AP4M1: variants seen among roughly 807,000 people sequenced by gnomAD.
AP4M1 encodes adaptor related protein complex 4 subunit mu 1.
A neutral mutation model predicts 62.4 loss-of-function variants in AP4M1; 58 were observed. That is an observed-to-expected ratio of 0.93 (90% CI 0.75 to 1.16). The LOEUF is 1.16. Ranked by LOEUF, AP4M1 falls within the 50% of genes most tolerant of loss-of-function variation. AP4M1 has a pLI of 0.00. For synonymous variants in AP4M1, 290 were observed against 239.7 expected, an observed-to-expected ratio of 1.21 and a Z score of -1.94; for missense variants, 626 against 585.4, an observed-to-expected ratio of 1.07 and a Z score of -0.72.
At position 100,103,406 on chromosome 7, in the gene AP4M1, T is replaced by C. The variant is rs1220564401; in HGVS notation, c.352-3T>C. On this transcript the variant is annotated splice_region_variant and splice_polypyrimidine_tract_variant and intron_variant, in intron 4 of 14. Transcript: ENST00000359593. ...ACTCAGACTGTCCTTCCTTTACCAC[T>C]AGGACTATGGCTATGTACAGACCAC... The C allele has an allele frequency of 1.9e-6, 3 of 1,612,554 alleles. No individual in the cohort carries two copies. Among genetic ancestry groups the C allele is most frequent in the African/African-American group, 1.3e-5 (1 of 74,846 alleles).
chr7:100,108,618 T>C lies in AP4M1; in HGVS notation c.*1736T>C. ...GTAGAGGGAGGGCTGGTGACACTCT[T>C]GAGAAGAACCTTGGGGATGGGGTAA... On this transcript the variant is annotated 3_prime_UTR_variant, in exon 15 of 15. Transcript: ENST00000359593. The C allele has an allele frequency of 1.3e-6, 2 of 1,482,586 alleles. No individual in the cohort carries two copies. Among genetic ancestry groups the C allele is most frequent in the Non-Finnish European group, 1.8e-6 (2 of 1,103,866 alleles). The allele number at this position is 1,482,586 out of a possible 1,614,324, so 91.8% of individuals were successfully genotyped here. A position where few individuals can be genotyped will look rare whatever the true frequency, so the allele number is the denominator to read the frequency against.
chr7:100,102,014 C>T (rs763011281), intron 2 of AP4M1, 46 bp downstream of exon 2: 13 of 1,602,312 alleles, frequency 8.1e-6, no homozygotes, highest in South Asian at 7.7e-5. Context: ...CCCGTCGGGC[C>T]GGGTGGGCGC....
rs745807118 is a variant in AP4M1, at chr7:100,105,355, T to G, written c.834+9T>G. The stretch of plus-strand genomic sequence containing the variant: ...AACCACCTCAGGGCGAGGTCAGGGT[T>G]GGGGTGGCCTCATAAATTCCGTCCA... On this transcript the variant is annotated intron_variant, in intron 10 of 14. Coordinates refer to ENST00000359593, the MANE Select transcript of AP4M1 (RefSeq NM_004722.4). 5.0e-6 allele frequency: 8 copies of G among 1,613,972 alleles called. No individual in the cohort carries two copies. The highest frequency in any genetic ancestry group is 6.8e-6 in the Non-Finnish European group (8 of 1,179,916).
chr7:100,103,152 G>T (rs999541512), intron 4 of AP4M1, 192 bp downstream of exon 4: 32 of 649,922 alleles, frequency 4.9e-5, no homozygotes, highest in Non-Finnish European at 7.7e-5. Flanking sequence ...GCTCACTGCA[G>T]CCTGGAACTC....
chr7:100,102,971 A>G lies in AP4M1; in HGVS notation c.351+11A>G, dbSNP rs1467155925. On this transcript the variant is annotated intron_variant, in intron 4 of 14. Coordinates refer to ENST00000359593, the MANE Select transcript of AP4M1 (RefSeq NM_004722.4). Reference sequence around the variant, plus strand: ...CTGGATGAAGTGCTGGTGAGAATCAACAATCCCCTTCTGTGGCCCCTACCC... The same window carrying G: ...CTGGATGAAGTGCTGGTGAGAATCAGCAATCCCCTTCTGTGGCCCCTACCC... 2 of 1,611,148 alleles carry G rather than the reference A, an allele frequency of 1.2e-6. No homozygotes were observed. The highest frequency in any genetic ancestry group is 2.2e-5 in the South Asian group (2 of 90,998).
In AP4M1 at chr7:100,108,529, A is replaced by G. The variant is rs149977983; in HGVS notation, c.*1647A>G. 29 of 1,608,214 alleles carry G rather than the reference A, an allele frequency of 1.8e-5. No individual in the cohort carries two copies. The highest frequency in any genetic ancestry group is 2.4e-5 in the Non-Finnish European group (28 of 1,175,792). The stretch of plus-strand genomic sequence containing the variant: ...GTGGGCGCAGCTTTGCCAGAACAGG[A>G]GCACAGTGTTTCTGCAGAACAGAAA... On this transcript the variant is annotated 3_prime_UTR_variant, in exon 15 of 15. Coordinates refer to ENST00000359593, the MANE Select transcript of AP4M1 (RefSeq NM_004722.4).
chr7:100,107,179 CATGT>C lies in AP4M1; in HGVS notation c.*298_*301del, dbSNP rs1796593421. ...AACTTCCTTCCGCTTAGCGAGCATG[CATGT>C]GTGTACGTGCACGTGTGTACATGTC... is the stretch of plus-strand genomic sequence containing the variant. On this transcript the variant is annotated 3_prime_UTR_variant, in exon 15 of 15. Transcript: ENST00000359593. 5 of 1,517,210 alleles carry C rather than the reference CATGT, an allele frequency of 3.3e-6. No homozygotes were observed. The African/African-American group carries it at 5.6e-5, about 17-fold the overall frequency. The allele number at this position is 1,517,210 out of a possible 1,614,324, so 94.0% of individuals were successfully genotyped here. A position where few individuals can be genotyped will look rare whatever the true frequency, so the allele number is the denominator to read the frequency against.
chr7:100,101,667 G>C lies in AP4M1; in HGVS notation c.-48G>C, dbSNP rs769336404. ...TCTTTTGTTCCGGGGCCGCAGGGCGGGGCAGGCCCGACTTTCGCCGTCTTC... is the reference window on the plus strand; with the variant it reads ...TCTTTTGTTCCGGGGCCGCAGGGCGCGGCAGGCCCGACTTTCGCCGTCTTC... On this transcript the variant is annotated 5_prime_UTR_variant, in exon 1 of 15. Transcript: ENST00000359593. 6.4e-7 allele frequency: 1 copy of C among 1,559,988 alleles called. No homozygotes were observed. The highest frequency in any genetic ancestry group is 1.1e-5 in the South Asian group (1 of 89,924).
Position 100,107,256 on chromosome 7 carries a change from G to A in AP4M1, c.*374G>A. The A allele has an allele frequency of 6.6e-7, 1 of 1,523,966 alleles. No homozygotes were observed. Among genetic ancestry groups the A allele is most frequent in the Non-Finnish European group, 8.8e-7 (1 of 1,139,128 alleles). The allele number at this position is 1,523,966 out of a possible 1,614,324, so 94.4% of individuals were successfully genotyped here. On this transcript the variant is annotated 3_prime_UTR_variant, in exon 15 of 15. Transcript: ENST00000359593. ...CTGGCAGGTGGAGCATCACGGAGCA[G>A]GCTGAGGGGAGCCGGAGTTGGGCTG...
At position 100,101,791 on chromosome 7, in the gene AP4M1, G is replaced by A. The variant is rs748573724; in HGVS notation, c.58+19G>A. Reference sequence around the variant, plus strand: ...AAAGACTGTATCCTAGACCCTTGGGGCTGGGAAGGGGCGGAGGGGCCGGGC... The same window carrying A: ...AAAGACTGTATCCTAGACCCTTGGGACTGGGAAGGGGCGGAGGGGCCGGGC... On this transcript the variant is annotated intron_variant, in intron 1 of 14. Transcript: ENST00000359593. The A allele has an allele frequency of 6.2e-7, 1 of 1,610,704 alleles. No individual in the cohort carries two copies. Among genetic ancestry groups the A allele is most frequent in the Admixed American group, 1.7e-5 (1 of 59,998 alleles).
chr7:100,102,503 T>TTAACCCC lies in AP4M1; in HGVS notation c.148-171_148-165dup, dbSNP rs1670502644. 54 of 673,902 alleles carry TTAACCCC rather than the reference T, an allele frequency of 8.0e-5. 2 individuals are homozygous for TTAACCCC. In the South Asian group the frequency reaches 8.9e-4, roughly 11 times the overall value. The allele number at this position is 673,902 out of a possible 1,614,324, so 41.7% of individuals were successfully genotyped here. A position where few individuals can be genotyped will look rare whatever the true frequency, so the allele number is the denominator to read the frequency against. ...CAGCAACTCGGGGTAGTTAGTGTAA[T>TTAACCCC]TAACCCCCTTTCCACATTGGGAAGC... On this transcript the variant is annotated intron_variant, in intron 2 of 14. Coordinates refer to ENST00000359593, the MANE Select transcript of AP4M1 (RefSeq NM_004722.4).
chr7:100,104,836 G>C, intron 7 of AP4M1, 38 bp from the exon 8 acceptor site: 1 of 1,610,526 alleles, frequency 6.2e-7, no homozygotes, highest in Non-Finnish European at 8.5e-7. Context: ...AAAAAAGAAA[G>C]AAAAAAAGAC....
chr7:100,104,591 G>A (rs966829235), intron 7 of AP4M1, among the ~76,000 whole-genome samples: 13 of 152,178 alleles, frequency 8.5e-5, no homozygotes, highest in African/African-American at 3.1e-4. Context: ...AGCACTTTGA[G>A]AGGCCGAGGT....
chr7:100,102,560 A>C (rs1796139380), intron 2 of AP4M1, 115 bp from the exon 3 acceptor site: 2 of 861,200 alleles, frequency 2.3e-6, no homozygotes, highest in African/African-American at 3.3e-5. Flanking sequence ...TATCTCCCAA[A>C]GGCACTGCTG....
Position 100,104,889 on chromosome 7 carries a change from G to A in AP4M1, c.622G>A (p.Val208Met), listed in dbSNP as rs144050062. Residue 208 changes from valine to methionine, a missense_variant, in exon 8 of 15, where the codon GTG (valine) becomes ATG (methionine). Physicochemically the swap from Val to Met is conservative, Grantham distance 21 (BLOSUM62 1). Transcript: ENST00000359593. Reference protein sequence around the residue: ...LIASNGSLLKVDVQGEIRLKS... With the variant: ...LIASNGSLLKMDVQGEIRLKS... ...TGCCTCTCAGGGATCCCTGCTGAAG[G>A]TGGATGTGCAGGGAGAGATTCGGCT... The A allele has an allele frequency of 2.0e-5, 32 of 1,614,064 alleles. No homozygotes were observed. In the African/African-American group the frequency reaches 3.9e-4, roughly 20 times the overall value.
chr7:100,101,832 G>A (rs1426854401), intron 1 of AP4M1, 48 bp from the exon 2 acceptor site: 3 of 1,611,662 alleles, frequency 1.9e-6, no homozygotes, highest in Non-Finnish European at 2.5e-6. Flanking sequence ...GGGCGCCCAG[G>A]GCCAGCCTGT....
upstream of AP4M1, chr7:100,101,180 C>A: frequency 1.3e-6 from 2 of 1,554,258 alleles, no homozygotes; most frequent in Non-Finnish European, 1.8e-6. Flanking sequence ...CGACCCCGGT[C>A]CCCCAAGACC....
upstream of AP4M1, chr7:100,101,348 G>A (rs1350805494): frequency 4.3e-6 from 7 of 1,609,934 alleles, no homozygotes; most frequent in Non-Finnish European, 5.9e-6. Flanking sequence ...CTTGCTCCTG[G>A]GGAAGCTGAG....
At position 100,103,489 on chromosome 7, in the gene AP4M1, C is replaced by T. The variant is rs778094558; in HGVS notation, c.432C>T (p.Phe144=). 6.2e-7 allele frequency: 1 copy of T among 1,614,192 alleles called. No homozygotes were observed. The highest frequency in any genetic ancestry group is 2.2e-5 in the East Asian group (1 of 44,886). Residue 144 remains phenylalanine, a synonymous_variant, in exon 5 of 15, where the codon TTC becomes TTT. Transcript: ENST00000359593. ...IQTEAVVSKP[F]SLFDLSSVGL... ...CGGAAGCTGTGGTCAGCAAGCCCTT[C>T]AGCCTCTTTGACCTCAGCAGCGTTG...
Sources: allele counts gnomAD v4.1 joint callset (sites outside exome capture counted in the v4.1 genomes callset), GRCh38; gene constraint gnomAD v4.1.1; transcripts MANE v1.5; gene names NCBI Gene and HGNC (gene_info 2026-07-23, HGNC 2026-07-21).